Variants in IRAK1BP1 observed in about 807,000 individuals in gnomAD.
The protein encoded by IRAK1BP1 is interleukin 1 receptor associated kinase 1 binding protein 1, also known as interleukin-1 receptor-associated kinase 1-binding protein 1.
IRAK1BP1 carries 24 observed loss-of-function variants against 28.0 expected under a neutral mutation model. The observed-to-expected ratio is 0.86, with a 90% CI of 0.62 to 1.20. IRAK1BP1 has a LOEUF of 1.20. IRAK1BP1 is among the 50% of genes most tolerant of loss of function. The probability of loss-of-function intolerance (pLI) is 0.00; values close to 1 mark genes in which losing one functional copy is unlikely to be tolerated. For synonymous variants in IRAK1BP1, 131 were observed against 116.3 expected, an observed-to-expected ratio of 1.13 and a Z score of -0.81; for missense variants, 336 against 316.7, an observed-to-expected ratio of 1.06 and a Z score of -0.46.
At chr6:78,893,310 GTGTGTATATATATATA>G (rs1164636667) in intron 2 of IRAK1BP1, among the ~76,000 whole-genome samples, 3 of 71,124 alleles carry the variant, frequency 4.2e-5, no homozygotes, top group East Asian at 6.3e-4. Flanking sequence ...GTGTGTGTGT[GTGTGTATATATATATA>G]TATATATATA....
At chr6:78,893,339 T>TATATATAC (rs1771748044) in intron 2 of IRAK1BP1, among the ~76,000 whole-genome samples, 1 of 113,618 alleles carries the variant, frequency 8.8e-6, no homozygotes, top group South Asian at 2.6e-4. Flanking sequence ...TATATATATA[T>TATATATAC]ATATATATAT....
At chr6:78,905,256 AT>A (rs1293589767), downstream of IRAK1BP1, among the ~76,000 whole-genome samples, 1 of 152,224 alleles carries the variant, frequency 6.6e-6, no homozygotes, top group African/African-American at 2.4e-5. Flanking sequence ...ATATTAATTA[AT>A]GATATTTCAT....
the IRAK1BP1 span, chr6:78,969,960 A>G: frequency 6.4e-7 from 1 of 1,571,136 alleles, no homozygotes; most frequent in South Asian, 1.1e-5. Flanking sequence ...ACATACCTAA[A>G]AATACCTAAA....
rs139501966 is a variant in IRAK1BP1 at position 78,929,066 on chromosome 6, G to T, written c.*68-16342G>T. ...GTATTCCCTCCTCCTGTATTTTTTG[G>T]AATAGTTTCAGTATGATTGGTGTTA... On this transcript the variant is annotated intron_variant and NMD_transcript_variant, in intron 4 of 4. Transcript: ENST00000606868. 6.5e-3 allele frequency among the ~76,000 whole-genome samples: 993 copies of T among 152,188 alleles called. 8 individuals are homozygous for T. The highest frequency in any genetic ancestry group is 9.5e-3 in the Non-Finnish European group (649 of 68,008).
At chr6:78,972,690 G>A in the IRAK1BP1 span, among the ~76,000 whole-genome samples, 1 of 152,186 alleles carries the variant, frequency 6.6e-6, no homozygotes, top group Non-Finnish European at 1.5e-5. Flanking sequence ...TAAAGGAGCT[G>A]ATAGAGCTGA....
rs1773741869 is a variant in IRAK1BP1, at chr6:78,945,291, ATACCT to A, written c.*68-110_*68-106del. On this transcript the variant is annotated intron_variant and NMD_transcript_variant, in intron 4 of 4. Transcript: ENST00000606868. ...TACTGTATCTTGAAAGATACAAGTA[ATACCT>A]TACCTTGCTCAATGACAGCTGATGA... is the stretch of plus-strand genomic sequence containing the variant. 6.3e-7 allele frequency: 1 copy of A among 1,576,564 alleles called. No homozygotes were observed. The highest frequency in any genetic ancestry group is 1.3e-5 in the African/African-American group (1 of 74,196).
At chr6:78,897,742 TG>T in intron 2 of IRAK1BP1, 86 bp from the exon 3 acceptor site, 2 of 1,122,204 alleles carry the variant, frequency 1.8e-6, no homozygotes, top group Non-Finnish European at 2.5e-6. Context: ...CCTCATAGTC[TG>T]GCTATACTTT....
At chr6:78,869,335 C>T (rs1177309656) in intron 1 of IRAK1BP1, among the ~76,000 whole-genome samples, 1 of 152,020 alleles carries the variant, frequency 6.6e-6, no homozygotes, top group Non-Finnish European at 1.5e-5. Context: ...GCCTGGCCAA[C>T]ATGGCAAAAC....
intron 2 of IRAK1BP1, among the ~76,000 whole-genome samples, chr6:78,888,981 A>T (rs1434224364): frequency 6.6e-6 from 1 of 151,392 alleles, no homozygotes; most frequent in Non-Finnish European, 1.5e-5. Flanking sequence ...GGTGGATGTG[A>T]TGGCATGCAC....
At chr6:78,875,413 A>G (rs903372547) in intron 1 of IRAK1BP1, among the ~76,000 whole-genome samples, 1 of 152,202 alleles carries the variant, frequency 6.6e-6, no homozygotes, top group Non-Finnish European at 1.5e-5. Flanking sequence ...TCGTTCTACC[A>G]AAAAGACACA....
At chr6:78,911,101 G>T (rs908767850) in intron 4 of IRAK1BP1, among the ~76,000 whole-genome samples, 2 of 152,114 alleles carry the variant, frequency 1.3e-5, no homozygotes, top group Non-Finnish European at 2.9e-5. Context: ...TCTGCTGCCA[G>T]CAGCTGTAGA....
chr6:78,898,406 T>C lies in IRAK1BP1; in HGVS notation c.*72T>C. On this transcript the variant is annotated 3_prime_UTR_variant, in exon 4 of 4. Transcript: ENST00000369940. The stretch of plus-strand genomic sequence containing the variant: ...ATACTTTTTATAATGTTTACGTTTG[T>C]CCTGAATATATATATATATATATAT... 2 of 149,386 alleles carry C rather than the reference T, an allele frequency of 1.3e-5. 1 individual carries two copies. Among genetic ancestry groups the C allele is most frequent in the Admixed American group, 2.8e-4 (2 of 7,260 alleles). The allele number at this position is 149,386 out of a possible 1,614,324, so 9.3% of individuals were successfully genotyped here.
At chr6:78,871,804 C>G in intron 1 of IRAK1BP1, 1 of 371,490 alleles carries the variant, frequency 2.7e-6, no homozygotes, top group Non-Finnish European at 4.8e-6. Flanking sequence ...ATTCTCTTGA[C>G]AGTGGATAAT....
chr6:78,885,957 T>C lies in IRAK1BP1; in HGVS notation c.381+514T>C, dbSNP rs544261981. ...TGCAACTGCCTATGCTTTTTACTTA[T>C]ATTTAAAGATTTAATGGCCAGGATT... On this transcript the variant is annotated intron_variant, in intron 2 of 3. Coordinates refer to ENST00000369940, the MANE Select transcript of IRAK1BP1 (RefSeq NM_001010844.4). Among the ~76,000 whole-genome samples, 14 of 152,340 alleles carry C rather than the reference T, an allele frequency of 9.2e-5. No homozygotes were observed. The South Asian group carries it at 2.5e-3, about 27-fold the overall frequency.
At chr6:78,912,005 A>G (rs983889695) in intron 4 of IRAK1BP1, among the ~76,000 whole-genome samples, 2 of 152,130 alleles carry the variant, frequency 1.3e-5, no homozygotes, top group Admixed American at 6.6e-5. Flanking sequence ...GATCCTCAAC[A>G]CCACTCCAGA....
At chr6:78,878,703 G>T (rs775088639) in intron 1 of IRAK1BP1, among the ~76,000 whole-genome samples, 1 of 152,138 alleles carries the variant, frequency 6.6e-6, no homozygotes, top group Non-Finnish European at 1.5e-5. Context: ...AAACTTCTCC[G>T]ACCTAAAAGA....
rs145421010 is a variant in IRAK1BP1, at chr6:78,940,694, T to C, written c.*68-4714T>C. ...TGAAGTAAAATATTTTGGTACAAGT[T>C]ACCAACCAATTAAATTAGCTTTTGC... On this transcript the variant is annotated intron_variant and NMD_transcript_variant, in intron 4 of 4. Coordinates refer to the IRAK1BP1 transcript ENST00000606868. The C allele has an allele frequency of 1.7e-5, 27 of 1,607,174 alleles. No homozygotes were observed. In the African/African-American group the frequency reaches 3.5e-4, roughly 21 times the overall value.
intron 2 of IRAK1BP1, among the ~76,000 whole-genome samples, chr6:78,887,386 C>G (rs533984041): frequency 6.6e-6 from 1 of 152,182 alleles, no homozygotes; most frequent in African/African-American, 2.4e-5. Context: ...AGAAGATTGG[C>G]TGGGCGCGAT....
In IRAK1BP1 at chr6:78,901,591, A is replaced by G. The variant is rs1409847264; in HGVS notation, c.*3257A>G. 6.6e-6 allele frequency: 1 copy of G among 152,088 alleles called. No individual in the cohort carries two copies. The highest frequency in any genetic ancestry group is 1.5e-5 in the Non-Finnish European group (1 of 67,976). 9.4% of individuals were successfully genotyped at this position (152,088 alleles called of 1,614,324 possible). On this transcript the variant is annotated 3_prime_UTR_variant, in exon 4 of 4. Transcript: ENST00000369940. ...ATAATTTCTATTTTCTGAAAGACAA[A>G]CAAAAATTCTAAATAGGATATTTGA...
Sources: allele counts gnomAD v4.1 joint callset (sites outside exome capture counted in the v4.1 genomes callset), GRCh38; gene constraint gnomAD v4.1.1; transcripts MANE v1.5; gene names NCBI Gene and HGNC (gene_info 2026-07-23, HGNC 2026-07-21).